RAPH1: variants seen among roughly 807,000 people sequenced by gnomAD.
RAPH1 encodes the protein Ras association (RalGDS/AF-6) and pleckstrin homology domains 1.
A neutral mutation model predicts 88.1 loss-of-function variants in RAPH1; 18 were observed. That is an observed-to-expected ratio of 0.20 (90% CI 0.14 to 0.30). The LOEUF (loss-of-function observed/expected upper bound fraction) is 0.30. Among genes scored for constraint, RAPH1 ranks in the 10% least tolerant of loss-of-function variants. The pLI is 1.00. For missense variants in RAPH1, 1,448 were observed against 1,543.2 expected (o/e 0.94, Z 1.03); for synonymous variants, 587 against 559.0 (o/e 1.05, Z -0.71).
chr2:203,508,178 C>T (rs1469946536), intron 1 of RAPH1, among the ~76,000 whole-genome samples: 4 of 145,368 alleles, frequency 2.8e-5, no homozygotes, highest in Admixed American at 1.4e-4. Flanking sequence ...GCTGAGATAG[C>T]GCCACTGCAC....
In RAPH1 at chr2:203,440,864, G is replaced by A. The variant is rs2098503086; in HGVS notation, c.2326C>T (p.Gln776Ter). ...GTCACAAGGGGTTTTGGGGGAGCTTGGGGAGGGAGGGGTGCAGGGATAGGA... is the reference window on the plus strand; with the variant it reads ...GTCACAAGGGGTTTTGGGGGAGCTTAGGGAGGGAGGGGTGCAGGGATAGGA... ...PPPIPAPLPP[Q>*]APPKPLVTIP... is the part of the protein sequence containing the mutation. Residue 776 changes from glutamine to a stop codon, truncating the protein, a stop_gained, in exon 14 of 14, where the codon CAA becomes TAA. Coordinates refer to ENST00000319170, the MANE Select transcript of RAPH1 (RefSeq NM_213589.3). LOFTEE classifies it low-confidence loss of function (END_TRUNC). The A allele has an allele frequency of 6.7e-7, 1 of 1,501,658 alleles. No individual in the cohort carries two copies. The allele number at this position is 1,501,658 out of a possible 1,614,324, so 93.0% of individuals were successfully genotyped here.
intron 1 of RAPH1, among the ~76,000 whole-genome samples, chr2:203,517,049 A>T (rs72926501): frequency 0.12 from 15,231 of 131,752 alleles, 1,523 homozygotes; most frequent in African/African-American, 0.27. Flanking sequence ...AAAAAAAAAT[A>T]AAGAAAGAAA....
chr2:203,440,799 A>G lies in RAPH1; in HGVS notation c.2391T>C (p.Val797=). The change falls in exon 14 of 14, where the codon GTT becomes GTC. Residue 797 remains valine (V), a synonymous_variant. Transcript: ENST00000319170. ...GTGTGGGTGGTGCAGCTTGAGTCAC[A>G]ACAGGTGCCACAGTCTTGGTGCTGG... ...APTSTKTVAP[V]VTQAAPPTPT... is the part of the protein sequence containing the mutation. 6.2e-7 allele frequency: 1 copy of G among 1,605,148 alleles called. No individual in the cohort carries two copies. Among genetic ancestry groups the G allele is most frequent in the South Asian group, 1.1e-5 (1 of 89,934 alleles).
rs752277388 is a variant in RAPH1, at chr2:203,439,402, A to G, written c.*35T>C. The G allele has an allele frequency of 3.1e-6, 5 of 1,591,698 alleles. 1 individual carries two copies. The South Asian group carries it at 5.6e-5, about 18-fold the overall frequency. ...ATCAGGTGAGCTGATTGTAGCAGTGATTACAGATATCATGAAAATAAAGTC... is the reference window on the plus strand; with the variant it reads ...ATCAGGTGAGCTGATTGTAGCAGTGGTTACAGATATCATGAAAATAAAGTC... On this transcript the variant is annotated 3_prime_UTR_variant, in exon 14 of 14. Transcript: ENST00000319170.
At chr2:203,502,168 G>T (rs1253869776) in intron 1 of RAPH1, among the ~76,000 whole-genome samples, 3 of 152,202 alleles carry the variant, frequency 2.0e-5, no homozygotes, top group Non-Finnish European at 4.4e-5. Flanking sequence ...TGCATGGATG[G>T]CCTGGTCCTC....
At chr2:203,500,983 A>C (rs1274214614) in intron 1 of RAPH1, among the ~76,000 whole-genome samples, 1 of 152,146 alleles carries the variant, frequency 6.6e-6, no homozygotes, top group African/African-American at 2.4e-5. Context: ...AACACCTCCT[A>C]TGCTGTTCTA....
At chr2:203,489,464 G>T in intron 4 of RAPH1, 120 bp downstream of exon 4, 1 of 721,254 alleles carries the variant, frequency 1.4e-6, no homozygotes, top group Non-Finnish European at 2.0e-6. Flanking sequence ...ACCTATCTCA[G>T]AAGTATCTTT....
intron 1 of RAPH1, among the ~76,000 whole-genome samples, chr2:203,501,362 T>C (rs1688732598): frequency 6.6e-6 from 1 of 152,228 alleles, no homozygotes; most frequent in East Asian, 1.9e-4. Context: ...TACCTACAAC[T>C]ACACTATTTT....
intron 2 of RAPH1, among the ~76,000 whole-genome samples, chr2:203,494,804 C>T (rs898322262): frequency 2.2e-5 from 3 of 135,558 alleles, no homozygotes; most frequent in Admixed American, 7.8e-5. Context: ...AGCAAGACTC[C>T]GTCTCAAAAA....
intron 1 of RAPH1, among the ~76,000 whole-genome samples, chr2:203,525,970 T>C (rs1690096637): frequency 6.6e-6 from 1 of 151,948 alleles, no homozygotes; most frequent in Non-Finnish European, 1.5e-5. Flanking sequence ...TAATGGAAAA[T>C]GTTGTATACC....
In RAPH1 at chr2:203,489,856, C is replaced by T; in HGVS notation, c.460G>A (p.Asp154Asn). ...TGTTCTAACTGTGCAGTGACGTCGT[C>T]CAAGGAGTAGCTGGCATGGGAAGGT... ...AKPSHASYSLDDVTAQLEQAS... is the reference protein window; with the variant it reads ...AKPSHASYSLNDVTAQLEQAS... The change falls in exon 4 of 14, where the codon GAC becomes AAC. Residue 154 changes from aspartate to asparagine, a missense_variant. Asp to Asn is a conservative substitution (Grantham distance 23, BLOSUM62 1). Around this residue, in one of 2 missense-constraint regions of RAPH1, gnomAD observed 513 missense variants for 653.1 expected, o/e 0.79. Coordinates refer to ENST00000319170, the MANE Select transcript of RAPH1 (RefSeq NM_213589.3). 2 of 1,614,204 alleles carry T rather than the reference C, an allele frequency of 1.2e-6. No homozygotes were observed. Among genetic ancestry groups the T allele is most frequent in the Non-Finnish European group, 1.7e-6 (2 of 1,180,044 alleles).
At chr2:203,527,800 CAAAAA>C (rs59384499) in intron 1 of RAPH1, among the ~76,000 whole-genome samples, 10 of 51,240 alleles carry the variant, frequency 2.0e-4, no homozygotes, top group Non-Finnish European at 3.0e-4. Context: ...AACTCCATCT[CAAAAA>C]AAAAAAAAAA....
At chr2:203,505,223 T>C (rs567156137) in intron 1 of RAPH1, among the ~76,000 whole-genome samples, 11 of 152,168 alleles carry the variant, frequency 7.2e-5, no homozygotes, top group East Asian at 3.9e-4. Context: ...AAACCTGAGA[T>C]TGGGAAGAAA....
intron 10 of RAPH1, among the ~76,000 whole-genome samples, chr2:203,451,528 T>C (rs2098514916): frequency 1.3e-5 from 2 of 152,202 alleles, no homozygotes; most frequent in African/African-American, 4.8e-5. Context: ...TATTATGCTG[T>C]CATTTTTAAA....
rs147750101 is a variant in RAPH1, at chr2:203,480,072, C to T, written c.732+9512G>A. Among the ~76,000 whole-genome samples the T allele has an allele frequency of 1.1e-3, 172 of 152,302 alleles. 6 individuals carry two copies. The East Asian group carries it at 0.032, about 29-fold the overall frequency. On this transcript the variant is annotated intron_variant, in intron 4 of 13. Transcript: ENST00000319170. ...GTTTTGAAAACTTTCATTTGTATTA[C>T]AAAGTGTTGCGCCATTTGTGTTTGA...
At chr2:203,515,356 G>T (rs1279149262) in intron 1 of RAPH1, among the ~76,000 whole-genome samples, 1 of 152,174 alleles carries the variant, frequency 6.6e-6, no homozygotes, top group African/African-American at 2.4e-5. Context: ...AAATAACAGC[G>T]ATTCTAATCT....
At chr2:203,459,033 C>G (rs1012088931) in intron 7 of RAPH1, among the ~76,000 whole-genome samples, 1 of 151,584 alleles carries the variant, frequency 6.6e-6, no homozygotes, top group African/African-American at 2.4e-5. Context: ...AAGTGCTGGG[C>G]TAATTTTTTG....
In RAPH1 at chr2:203,439,736, G is replaced by A; in HGVS notation, c.3454C>T (p.Pro1152Ser). Residue 1152 changes from proline to serine, a missense_variant, in exon 14 of 14, where the codon CCC becomes TCC. Coordinates refer to ENST00000319170, the MANE Select transcript of RAPH1 (RefSeq NM_213589.3). ...CTAAGGCTGGATTTGGGAGAGGTGG[G>A]CACTTGTGGCACAACTGTGGCCATT... Reference protein sequence around the residue: ...PTMATVVPQVPTSPKSSLSVQ... With the variant: ...PTMATVVPQVSTSPKSSLSVQ... 6.2e-7 allele frequency: 1 copy of A among 1,614,110 alleles called. No homozygotes were observed. The highest frequency in any genetic ancestry group is 8.5e-7 in the Non-Finnish European group (1 of 1,180,024).
intron 1 of RAPH1, among the ~76,000 whole-genome samples, chr2:203,505,995 T>C (rs1688974925): frequency 6.6e-6 from 1 of 152,172 alleles, no homozygotes; most frequent in Non-Finnish European, 1.5e-5. Context: ...TTCATTCCTC[T>C]TAGAGAAAAC....
Sources: gnomAD v4.1 joint callset for allele counts (sites outside exome capture counted in the v4.1 genomes callset) on GRCh38, gnomAD v4.1.1 for gene constraint, gnomAD v4.1.1 regional missense constraint, MANE v1.5 for transcripts, NCBI Gene and HGNC (gene_info 2026-07-23, HGNC 2026-07-21) for gene names.